Variants in BAZ1A observed in about 807,000 individuals in gnomAD.
BAZ1A encodes bromodomain adjacent to zinc finger domain 1A.
BAZ1A carries 50 observed loss-of-function variants against 185.2 expected under a neutral mutation model. The ratio of observed to expected loss-of-function variants is 0.27; its 90% CI spans 0.22 to 0.34. BAZ1A has a LOEUF of 0.34. Ranked by LOEUF, BAZ1A falls within the 10% of genes least tolerant of loss-of-function variation. The probability of loss-of-function intolerance (pLI) is 1.00; values close to 1 mark genes in which losing one functional copy is unlikely to be tolerated. For synonymous variants in BAZ1A, 571 were observed against 615.6 expected, an observed-to-expected ratio of 0.93 and a Z score of 1.07; for missense variants, 1,356 against 1,839.9, an observed-to-expected ratio of 0.74 and a Z score of 4.81.
chr14:34,784,553 T>C (rs1393040334), intron 14 of BAZ1A, among the ~76,000 whole-genome samples: 1 of 151,952 alleles, frequency 6.6e-6, no homozygotes. Flanking sequence ...AGTCTCGCTC[T>C]GACGCCCAGG....
chr14:34,767,006 TAA>T (rs1566548975), intron 21 of BAZ1A, among the ~76,000 whole-genome samples: 1 of 152,190 alleles, frequency 6.6e-6, no homozygotes, highest in Non-Finnish European at 1.5e-5. Flanking sequence ...TGATTGAGAT[TAA>T]AAACAGAGGC....
rs1466489502 is a variant in BAZ1A, at chr14:34,785,840, G to A, written c.1768C>T (p.Arg590Cys). The stretch of plus-strand genomic sequence containing the variant: ...TTCACTAGACTGGGATTGCTCAAAC[G>A]AAGCTCCATACAAGCATCATCTGTA... ...DATDDACMEL[R>C]LSNPSLVKKL... Residue 590 changes from arginine (R) to cysteine (C), a missense_variant, in exon 14 of 27, where the codon CGT (arginine) becomes TGT (cysteine). Physicochemically the swap from Arg to Cys is radical, Grantham distance 180. Coordinates refer to ENST00000360310, the MANE Select transcript of BAZ1A (RefSeq NM_013448.3). The A allele has an allele frequency of 8.1e-6, 13 of 1,614,014 alleles. No homozygotes were observed. Among genetic ancestry groups the A allele is most frequent in the Non-Finnish European group, 1.1e-5 (13 of 1,180,022 alleles).
rs137952124 is a variant in BAZ1A at position 34,755,200 on chromosome 14, A to G, written c.4387-286T>C. 5.5e-3 allele frequency among the ~76,000 whole-genome samples: 833 copies of G among 152,316 alleles called. 8 individuals carry two copies. Among genetic ancestry groups the G allele is most frequent in the African/African-American group, 0.019 (802 of 41,566 alleles). On this transcript the variant is annotated intron_variant, in intron 25 of 26. Coordinates refer to ENST00000360310, the MANE Select transcript of BAZ1A (RefSeq NM_013448.3). ...AGCATTATTGCATTTGTAATAATGA[A>G]TAAAATGTATGTAACAAAGTGTACT...
At chr14:34,776,547 C>T in intron 17 of BAZ1A, 32 bp from the exon 18 acceptor site, 1 of 1,510,898 alleles carries the variant, frequency 6.6e-7, no homozygotes, top group Non-Finnish European at 8.9e-7. Flanking sequence ...TCATCATCAT[C>T]ATATTTCAAG....
At chr14:34,836,478 T>C (rs1453556149) in intron 3 of BAZ1A, among the ~76,000 whole-genome samples, 1 of 141,944 alleles carries the variant, frequency 7.0e-6, no homozygotes, top group Non-Finnish European at 1.5e-5. Context: ...AGAAGGTAAA[T>C]AGTTAACAGC....
At chr14:34,794,704 T>G (rs1200313491) in intron 11 of BAZ1A, 45 bp downstream of exon 11, 2 of 1,570,398 alleles carry the variant, frequency 1.3e-6, no homozygotes, top group Non-Finnish European at 8.6e-7. Flanking sequence ...AGCCACTAAT[T>G]TTAGGATGAA....
intron 8 of BAZ1A, 151 bp from the exon 9 acceptor site, chr14:34,800,541 T>C (rs1175696983): frequency 1.8e-5 from 11 of 612,458 alleles, no homozygotes; most frequent in African/African-American, 1.6e-4. Flanking sequence ...CAGCAGATTA[T>C]TAAAACAGGA....
intron 3 of BAZ1A, among the ~76,000 whole-genome samples, chr14:34,851,986 G>A (rs554051925): frequency 1.3e-5 from 2 of 152,226 alleles, no homozygotes; most frequent in East Asian, 3.9e-4. Context: ...AATTAGCCGG[G>A]CGTGGTGGCG....
At chr14:34,849,752 G>GT (rs1349666876) in intron 3 of BAZ1A, among the ~76,000 whole-genome samples, 1 of 152,164 alleles carries the variant, frequency 6.6e-6, no homozygotes, top group African/African-American at 2.4e-5. Context: ...CGCCAGTAGA[G>GT]TTTTTTAACT....
At chr14:34,848,978 T>C (rs916098093) in intron 3 of BAZ1A, among the ~76,000 whole-genome samples, 1 of 152,160 alleles carries the variant, frequency 6.6e-6, no homozygotes, top group Non-Finnish European at 1.5e-5. Context: ...AGGAACAGTT[T>C]AACCAGTTCA....
intron 17 of BAZ1A, among the ~76,000 whole-genome samples, chr14:34,777,179 G>A (rs1879688151): frequency 6.6e-6 from 1 of 152,112 alleles, no homozygotes; most frequent in Non-Finnish European, 1.5e-5. Context: ...GGATCTTATG[G>A]TCTTCACAGC....
intron 5 of BAZ1A, among the ~76,000 whole-genome samples, chr14:34,808,632 AT>A (rs2041886197): frequency 6.6e-6 from 1 of 152,208 alleles, no homozygotes; most frequent in South Asian, 2.1e-4. Flanking sequence ...ATTTTAAAAC[AT>A]TTTGTATTTA....
chr14:34,862,439 TAG>T (rs1594912791), intron 2 of BAZ1A, 117 bp from the exon 3 acceptor site: 1 of 1,135,942 alleles, frequency 8.8e-7, no homozygotes. Context: ...AAATTTTATG[TAG>T]ACTCACAGAA....
chr14:34,873,617 C>A (rs1447360347), intron 2 of BAZ1A, among the ~76,000 whole-genome samples: 1 of 152,134 alleles, frequency 6.6e-6, no homozygotes, highest in East Asian at 1.9e-4. Context: ...CTTGTCTTAA[C>A]CCCCTCCCCC....
intron 23 of BAZ1A, among the ~76,000 whole-genome samples, chr14:34,762,502 A>G (rs1434892385): frequency 1.3e-5 from 2 of 151,108 alleles, no homozygotes; most frequent in Admixed American, 6.6e-5. Context: ...TTTTTGAGAC[A>G]GAGTATCACT....
In BAZ1A at chr14:34,758,483, G is replaced by A. The variant is rs1304168090; in HGVS notation, c.4386+221C>T. On this transcript the variant is annotated intron_variant, in intron 25 of 26. Transcript: ENST00000360310. ...TAATCCCAGTTACTCAGGAAGCTGA[G>A]GCAGGAGAATCGCTTGAACCTGGGA... The A allele has an allele frequency of 1.7e-5, 7 of 413,254 alleles. No homozygotes were observed. The East Asian group carries it at 2.9e-4, about 17-fold the overall frequency. 25.6% of individuals were successfully genotyped at this position (413,254 alleles called of 1,614,324 possible). A position where few individuals can be genotyped will look rare whatever the true frequency, so the allele number is the denominator to read the frequency against.
intron 2 of BAZ1A, among the ~76,000 whole-genome samples, chr14:34,873,510 G>C (rs1433586728): frequency 1.3e-5 from 2 of 152,190 alleles, no homozygotes; most frequent in African/African-American, 4.8e-5. Flanking sequence ...TACACCAGCA[G>C]CTCCGCGTTC....
intron 16 of BAZ1A, among the ~76,000 whole-genome samples, chr14:34,780,575 G>A (rs1041016136): frequency 2.6e-5 from 4 of 152,190 alleles, no homozygotes; most frequent in African/African-American, 9.6e-5. Context: ...AAAAAGGCTG[G>A]CTTGAAGAAG....
intron 3 of BAZ1A, among the ~76,000 whole-genome samples, chr14:34,833,052 C>T (rs1451447616): frequency 6.6e-6 from 1 of 152,060 alleles, no homozygotes; most frequent in African/African-American, 2.4e-5. Context: ...GGCTGGGCAA[C>T]AGAGTGAGAC....
Sources: allele counts gnomAD v4.1 joint callset (sites outside exome capture counted in the v4.1 genomes callset), GRCh38; gene constraint gnomAD v4.1.1; transcripts MANE v1.5; gene names NCBI Gene and HGNC (gene_info 2026-07-23, HGNC 2026-07-21).